Variants in DCDC1 observed in about 807,000 individuals in gnomAD.
DCDC1 encodes doublecortin domain containing 1.
In DCDC1, 200 loss-of-function variants were observed where a neutral mutation model predicts 178.3. The ratio of observed to expected loss-of-function variants is 1.12; its 90% CI spans 1.00 to 1.26. The LOEUF is 1.26. DCDC1 is among the 50% of genes most tolerant of loss of function. The pLI is 0.00. For missense variants in DCDC1, 1,983 were observed against 1,749.2 expected, an observed-to-expected ratio of 1.13 and a Z score of -2.38; for synonymous variants, 690 against 604.8, an observed-to-expected ratio of 1.14 and a Z score of -2.07.
chr11:31,020,210 A>G (rs1302193216), intron 20 of DCDC1, among the ~76,000 whole-genome samples: 2 of 152,240 alleles, frequency 1.3e-5, no homozygotes, highest in East Asian at 3.8e-4. Flanking sequence ...TTAAATCTTT[A>G]TCTGTACCAT....
chr11:30,961,841 AATTCCATGG>A (rs1949118153), intron 20 of DCDC1, among the ~76,000 whole-genome samples: 1 of 152,016 alleles, frequency 6.6e-6, no homozygotes, highest in African/African-American at 2.4e-5. Flanking sequence ...AGCCCATCAA[AATTCCATGG>A]ATTTGAACTG....
chr11:31,147,033 T>C (rs1476440818), intron 9 of DCDC1, among the ~76,000 whole-genome samples: 1 of 152,156 alleles, frequency 6.6e-6, no homozygotes, highest in Non-Finnish European at 1.5e-5. Context: ...AAGTCCCTTC[T>C]GCCTAAGCAC....
intron 20 of DCDC1, among the ~76,000 whole-genome samples, chr11:30,957,250 G>T (rs919599184): frequency 6.6e-6 from 1 of 151,962 alleles, no homozygotes; most frequent in African/African-American, 2.4e-5. Context: ...ATGGAAAAAA[G>T]AACCCTCTCT....
At chr11:31,357,689 C>T (rs1951459339) in intron 1 of DCDC1, among the ~76,000 whole-genome samples, 1 of 152,134 alleles carries the variant, frequency 6.6e-6, no homozygotes, top group African/African-American at 2.4e-5. Flanking sequence ...CTAGAAAACC[C>T]CATTGTCTCA....
intron 20 of DCDC1, among the ~76,000 whole-genome samples, chr11:30,985,861 AT>A (rs1299177778): frequency 6.6e-6 from 1 of 152,260 alleles, no homozygotes; most frequent in South Asian, 2.1e-4. Context: ...ATTATGACAA[AT>A]TTTTTTAATG....
chr11:31,089,844 C>T (rs930108549), intron 17 of DCDC1, among the ~76,000 whole-genome samples: 1 of 152,076 alleles, frequency 6.6e-6, no homozygotes, highest in African/African-American at 2.4e-5. Context: ...CTTGAATATA[C>T]AGAATACAGT....
intron 20 of DCDC1, among the ~76,000 whole-genome samples, chr11:30,977,537 G>A (rs1346002529): frequency 6.6e-6 from 1 of 152,084 alleles, no homozygotes; most frequent in Non-Finnish European, 1.5e-5. Context: ...GTTTCTTCTA[G>A]TTTTTAAAAT....
At chr11:31,084,412 A>C (rs1368764645) in intron 17 of DCDC1, among the ~76,000 whole-genome samples, 1 of 152,156 alleles carries the variant, frequency 6.6e-6, no homozygotes, top group Non-Finnish European at 1.5e-5. Context: ...CAGTCATTTT[A>C]GATGTCCTGG....
At chr11:30,917,819 G>A (rs915784360) in intron 25 of DCDC1, among the ~76,000 whole-genome samples, 1 of 152,204 alleles carries the variant, frequency 6.6e-6, no homozygotes, top group African/African-American at 2.4e-5. Flanking sequence ...AAGTTCTCTG[G>A]GACAGACTGA....
chr11:31,153,923 T>G (rs1358423958), intron 9 of DCDC1, among the ~76,000 whole-genome samples: 8 of 152,086 alleles, frequency 5.3e-5, no homozygotes, highest in Non-Finnish European at 8.8e-5. Flanking sequence ...GCTCTGCCTA[T>G]AATAATATGG....
intron 38 of DCDC1, among the ~76,000 whole-genome samples, chr11:30,867,459 C>T (rs1941100698): frequency 1.3e-5 from 2 of 152,174 alleles, no homozygotes; most frequent in African/African-American, 4.8e-5. Flanking sequence ...TGTAAAAGTC[C>T]ATTATGGTGC....
intron 21 of DCDC1, chr11:30,943,754 T>C (rs1309073335): frequency 5.3e-6 from 2 of 379,872 alleles, no homozygotes; most frequent in Non-Finnish European, 5.2e-6. Context: ...AATACTGATA[T>C]CCCTAGATAT....
intron 7 of DCDC1, among the ~76,000 whole-genome samples, chr11:31,290,344 G>A (rs539308034): frequency 6.6e-6 from 1 of 152,060 alleles, no homozygotes; most frequent in Admixed American, 6.6e-5. Flanking sequence ...ATAAAATATT[G>A]TAACTAATTA....
intron 15 of DCDC1, among the ~76,000 whole-genome samples, chr11:31,095,356 C>A (rs1290836300): frequency 6.6e-6 from 1 of 152,120 alleles, no homozygotes; most frequent in South Asian, 2.1e-4. Flanking sequence ...CTTGAGGAAT[C>A]GCCACACTGT....
intron 20 of DCDC1, among the ~76,000 whole-genome samples, chr11:31,036,797 A>G (rs956974579): frequency 2.6e-5 from 4 of 152,228 alleles, no homozygotes; most frequent in African/African-American, 9.6e-5. Context: ...CTTAAAATTA[A>G]TAGTTACAGG....
chr11:30,983,910 G>A (rs1950511180), intron 20 of DCDC1, among the ~76,000 whole-genome samples: 3 of 152,072 alleles, frequency 2.0e-5, no homozygotes, highest in Admixed American at 2.0e-4. Context: ...CTAAATGGGC[G>A]ATATAATCGA....
At chr11:30,880,862 C>T (rs75278238) in intron 37 of DCDC1, among the ~76,000 whole-genome samples, 3,573 of 152,230 alleles carry the variant, frequency 0.023, 60 homozygotes, top group Non-Finnish European at 0.037. Context: ...CTTCACTTTC[C>T]TCAGGGTTCA....
chr11:30,905,184 A>G lies in DCDC1; in HGVS notation c.4105-20T>C, dbSNP rs1419588991. 6.4e-7 allele frequency: 1 copy of G among 1,551,850 alleles called. No individual in the cohort carries two copies. Among genetic ancestry groups the G allele is most frequent in the South Asian group, 1.2e-5 (1 of 84,802 alleles). On this transcript the variant is annotated intron_variant, in intron 30 of 38. Transcript: ENST00000684477. Reference sequence around the variant, plus strand: ...ATCAACCTAATTTTTTAAAAAATAAATTGTACATTTACTCAAACTTTCTTG... The same window carrying G: ...ATCAACCTAATTTTTTAAAAAATAAGTTGTACATTTACTCAAACTTTCTTG...
At chr11:30,871,139 A>G (rs556091515) in intron 38 of DCDC1, among the ~76,000 whole-genome samples, 1 of 152,308 alleles carries the variant, frequency 6.6e-6, no homozygotes, top group East Asian at 1.9e-4. Context: ...CTGAAGCCAA[A>G]ATAAATATAA....
Sources: allele counts gnomAD v4.1 joint callset (sites outside exome capture counted in the v4.1 genomes callset), GRCh38; gene constraint gnomAD v4.1.1; transcripts MANE v1.5; gene names NCBI Gene and HGNC (gene_info 2026-07-23, HGNC 2026-07-21).